MROH2A: variants seen among roughly 807,000 people sequenced by gnomAD.
The protein encoded by MROH2A is maestro heat-like repeat-containing protein family member 2A.
A neutral mutation model predicts 200.4 loss-of-function variants in MROH2A; 174 were observed. The observed-to-expected ratio is 0.87, with a 90% CI of 0.77 to 0.98. The LOEUF (loss-of-function observed/expected upper bound fraction) is 0.98, where lower values mean the gene tolerates loss of function less well. Ranked by LOEUF, MROH2A falls within the 50% of genes least tolerant of loss-of-function variation. MROH2A has a pLI of 0.00. For synonymous variants in MROH2A, 829 were observed against 840.4 expected (o/e 0.99, Z 0.23); for missense variants, 2,045 against 2,139.6 (o/e 0.96, Z 0.87).
chr2:233,811,005 A>G, intron 23 of MROH2A, 89 bp downstream of exon 23: 1 of 1,427,816 alleles, frequency 7.0e-7, no homozygotes, highest in Non-Finnish European at 9.5e-7. Context: ...TCCTGAGGGC[A>G]TCTGCAGAGC....
chr2:233,816,793 T>C lies in MROH2A; in HGVS notation c.2869T>C (p.Trp957Arg). 1 of 1,550,238 alleles carries C rather than the reference T, an allele frequency of 6.5e-7. No homozygotes were observed. ...GCTCTACCCATAGCTCCTGGAAAAG[T>C]GGATCTTGTCGGAGAAAGAATGGGA... ...LQEMVQLLEK[W>R]ILSEKEWERE... The change falls in exon 27 of 42, where the codon TGG becomes CGG. Residue 957 changes from tryptophan (W) to arginine (R), a missense_variant. By Grantham distance (101) the Trp-to-Arg change is moderately radical. Coordinates refer to ENST00000389758, the MANE Select transcript of MROH2A (RefSeq NM_001394639.1).
intron 3 of MROH2A, among the ~76,000 whole-genome samples, chr2:233,783,457 T>C (rs949975773): frequency 1.3e-5 from 2 of 152,198 alleles, no homozygotes; most frequent in African/African-American, 2.4e-5. Flanking sequence ...AGTCTGTATA[T>C]GTCCAAGAAT....
rs924508806 is a variant in MROH2A, at chr2:233,810,978, T to A, written c.2571+62T>A. The A allele has an allele frequency of 7.8e-5, 119 of 1,530,274 alleles. No homozygotes were observed. The African/African-American group carries it at 1.4e-3, about 18-fold the overall frequency. The allele number at this position is 1,530,274 out of a possible 1,614,324, so 94.8% of individuals were successfully genotyped here. The stretch of plus-strand genomic sequence containing the variant: ...GGTTTTGGGGTCTAACTCCCTGCGG[T>A]GAGAGGTTTTCAAAGTTCCTGAGGG... On this transcript the variant is annotated intron_variant, in intron 23 of 41. Coordinates refer to ENST00000389758, the MANE Select transcript of MROH2A (RefSeq NM_001394639.1).
At position 233,828,982 on chromosome 2, in the gene MROH2A, C is replaced by A. The variant is rs780901998; in HGVS notation, c.4356C>A (p.Ala1452=). The change falls in exon 37 of 42, where the codon GCC becomes GCA. Residue 1452 remains alanine (A), a synonymous_variant. Coordinates refer to ENST00000389758, the MANE Select transcript of MROH2A (RefSeq NM_001394639.1). This position sits in a 1 kb window ranked among gnomAD's most constrained non-coding sequence, Gnocchi z 4.6. ...GCGTGACTGCCGAGGGCATGGAGGC[C>A]CTGACCAAGATCCTGGCTGAGCTCC... ...SNSVTAEGME[A]LTKILAELRE... is the part of the protein sequence containing the mutation. 1.3e-6 allele frequency: 2 copies of A among 1,550,506 alleles called. No individual in the cohort carries two copies. Among genetic ancestry groups the A allele is most frequent in the South Asian group, 1.2e-5 (1 of 84,052 alleles).
chr2:233,833,230 T>C lies in MROH2A; in HGVS notation c.4996T>C (p.Phe1666Leu), dbSNP rs1053027198. 2.9e-5 allele frequency: 45 copies of C among 1,549,800 alleles called. No homozygotes were observed. The African/African-American group carries it at 6.0e-4, about 21-fold the overall frequency. The change falls in exon 42 of 42, where the codon TTT becomes CTT. Residue 1666 changes from phenylalanine to leucine, a missense_variant. Phe to Leu is a conservative substitution (Grantham distance 22). This residue lies in a region of MROH2A where 1,201 missense variants were observed against 1,311.3 expected (regional missense o/e 0.92). Coordinates refer to ENST00000389758, the MANE Select transcript of MROH2A (RefSeq NM_001394639.1). ...CTTGGATAGCTGTAGTCAGCATGGG[T>C]TTCTGGCTTCACCCCAAGGAATGTC... ...TVLDSCSQHG[F>L]LASPQGMS
At position 233,828,885 on chromosome 2, in the gene MROH2A, T is replaced by A; in HGVS notation, c.4264-5T>A. The A allele has an allele frequency of 6.5e-7, 1 of 1,550,306 alleles. No individual in the cohort carries two copies. Among genetic ancestry groups the A allele is most frequent in the Admixed American group, 2.0e-5 (1 of 50,992 alleles). ...GCAGGCTGAGGGCTGCCCATGCCCC[T>A]CCAGGTGAAGCAGTACCGGAAGGTC... is the stretch of plus-strand genomic sequence containing the variant. On this transcript the variant is annotated splice_region_variant and splice_polypyrimidine_tract_variant and intron_variant, in intron 36 of 41. Coordinates refer to ENST00000389758, the MANE Select transcript of MROH2A (RefSeq NM_001394639.1). The surrounding 1 kb of genome is among the most constrained non-coding windows in gnomAD (Gnocchi z 4.6).
chr2:233,794,792 G>A (rs1313390375), intron 8 of MROH2A, among the ~76,000 whole-genome samples: 1 of 152,160 alleles, frequency 6.6e-6, no homozygotes, highest in Admixed American at 6.5e-5. Flanking sequence ...CTGTAACAAA[G>A]AACCACACAT....
At position 233,809,235 on chromosome 2, in the gene MROH2A, C is replaced by T. The variant is rs1460650643; in HGVS notation, c.2405C>T (p.Pro802Leu). ...TTGCTCCTCAACCTCGTGGACAGCCCCATCACCGCTAAGATCATTCACCAT... is the reference window on the plus strand; with the variant it reads ...TTGCTCCTCAACCTCGTGGACAGCCTCATCACCGCTAAGATCATTCACCAT... ...PQLLLNLVDS[P>L]ITAKIIHHYV... Residue 802 changes from proline (P) to leucine (L), a missense_variant, in exon 22 of 42, where the codon CCC (proline) becomes CTC (leucine). Pro to Leu is a moderately conservative substitution (Grantham distance 98). Around this residue, in one of 3 missense-constraint regions of MROH2A, gnomAD observed 1,201 missense variants for 1,311.3 expected, o/e 0.92. Transcript: ENST00000389758. 6.4e-7 allele frequency: 1 copy of T among 1,550,552 alleles called. No individual in the cohort carries two copies. The highest frequency in any genetic ancestry group is 8.7e-7 in the Non-Finnish European group (1 of 1,146,980).
rs1411868139 is a variant in MROH2A at position 233,822,521 on chromosome 2, C to T, written c.3831C>T (p.His1277=). ...TCTTGAAGATGTGGAAGCTGGTCCA[C>T]ACCACTCCTCTGCCGGAGGAGATGA... is the stretch of plus-strand genomic sequence containing the variant. ...PPVLKMWKLV[H]TTPLPEEMNL... is the part of the protein sequence containing the mutation. Residue 1277 remains histidine, a synonymous_variant, in exon 33 of 42, where the codon CAC becomes CAT. Transcript: ENST00000389758. 3.2e-6 allele frequency: 5 copies of T among 1,550,476 alleles called. No individual in the cohort carries two copies. The highest frequency in any genetic ancestry group is 3.9e-5 in the Admixed American group (2 of 51,014).
In MROH2A at chr2:233,793,721, AG is replaced by A; in HGVS notation, c.721del (p.Glu241ArgfsTer6). ...GTGCAGTTTTATCTGAAGCACCTGGAGGAGAGCGTGTACCCCGTGATGACTG... is the reference window on the plus strand; with the variant it reads ...GTGCAGTTTTATCTGAAGCACCTGGAGAGAGCGTGTACCCCGTGATGACTG... ...ETVQFYLKHLEESVYPVMTEE... is the reference protein window; with the variant it reads ...ETVQFYLKHLXESVYPVMTEE... On this transcript the variant is annotated frameshift_variant, in exon 7 of 42. Coordinates refer to ENST00000389758, the MANE Select transcript of MROH2A (RefSeq NM_001394639.1). LOFTEE classifies it high-confidence loss of function. The A allele has an allele frequency of 6.7e-7, 1 of 1,485,262 alleles. No homozygotes were observed. The highest frequency in any genetic ancestry group is 9.0e-7 in the Non-Finnish European group (1 of 1,114,788). The allele number at this position is 1,485,262 out of a possible 1,614,324, so 92.0% of individuals were successfully genotyped here.
intron 22 of MROH2A, among the ~76,000 whole-genome samples, chr2:233,810,591 C>T (rs1353915887): frequency 4.6e-5 from 7 of 152,354 alleles, no homozygotes; most frequent in Middle Eastern, 3.4e-3. Flanking sequence ...CTCGTATCCC[C>T]GCCATGTGCC....
Position 233,828,908 on chromosome 2 carries a change from G to T in MROH2A, c.4282G>T (p.Val1428Phe), listed in dbSNP as rs1225510677. The T allele has an allele frequency of 6.4e-7, 1 of 1,550,456 alleles. No homozygotes were observed. The highest frequency in any genetic ancestry group is 8.7e-7 in the Non-Finnish European group (1 of 1,146,966). Reference sequence around the variant, plus strand: ...CCTCCAGGTGAAGCAGTACCGGAAGGTCTTGCTGGAGAAGTGCCTGGGCCC... The same window carrying T: ...CCTCCAGGTGAAGCAGTACCGGAAGTTCTTGCTGGAGAAGTGCCTGGGCCC... The part of the protein sequence containing the change: ...APKKVKQYRK[V>F]LLEKCLGPLR... Residue 1428 changes from valine (V) to phenylalanine (F), a missense_variant, in exon 37 of 42, where the codon GTC (valine) becomes TTC (phenylalanine). This residue lies in a region of MROH2A where 1,201 missense variants were observed against 1,311.3 expected (regional missense o/e 0.92). Coordinates refer to ENST00000389758, the MANE Select transcript of MROH2A (RefSeq NM_001394639.1). This position sits in a 1 kb window ranked among gnomAD's most constrained non-coding sequence, Gnocchi z 4.6.
rs142027248 is a variant in MROH2A, at chr2:233,813,900, G to A, written c.2760+122G>A. 2.0e-4 allele frequency: 113 copies of A among 553,888 alleles called. 1 individual carries two copies. In the East Asian group the frequency reaches 2.9e-3, roughly 14 times the overall value. 34.3% of individuals were successfully genotyped at this position (553,888 alleles called of 1,614,324 possible). ...GAGTGTTTAGAGGCAGCGGAGTGTA[G>A]CAAGCTCTATCAGTAAATGTAAGGT... is the stretch of plus-strand genomic sequence containing the variant. On this transcript the variant is annotated intron_variant, in intron 25 of 41. Coordinates refer to ENST00000389758, the MANE Select transcript of MROH2A (RefSeq NM_001394639.1).
chr2:233,779,605 G>A (rs2126076340), intron 2 of MROH2A, 66 bp from the exon 3 acceptor site: 2 of 1,510,092 alleles, frequency 1.3e-6, no homozygotes, highest in African/African-American at 1.4e-5. Context: ...GCAAGGCCAG[G>A]GACACAAGGG....
intron 18 of MROH2A, 50 bp from the exon 19 acceptor site, chr2:233,804,954 C>A: frequency 1.8e-6 from 2 of 1,131,116 alleles, no homozygotes; most frequent in Non-Finnish European, 1.3e-6. Context: ...CAGGCAAGAA[C>A]AAGGATGAAG....
At position 233,801,270 on chromosome 2, in the gene MROH2A, T is replaced by C. The variant is rs1005461182; in HGVS notation, c.1561-898T>C. Reference sequence around the variant, plus strand: ...TGGTGGCTACAACAGGTTAAGCCATTGCACTTGATGGTTGGTAGCACAAGA... The same window carrying C: ...TGGTGGCTACAACAGGTTAAGCCATCGCACTTGATGGTTGGTAGCACAAGA... On this transcript the variant is annotated intron_variant, in intron 14 of 41. Transcript: ENST00000389758. Among the ~76,000 whole-genome samples, 4 of 150,424 alleles carry C rather than the reference T, an allele frequency of 2.7e-5. No homozygotes were observed. The East Asian group carries it at 7.9e-4, about 30-fold the overall frequency.
chr2:233,779,618 C>T (rs1205390950), intron 2 of MROH2A, 53 bp from the exon 3 acceptor site: 9 of 1,533,936 alleles, frequency 5.9e-6, no homozygotes, highest in Admixed American at 4.0e-5. Context: ...CACAAGGGCA[C>T]CTCCTGTCAT....
Position 233,828,733 on chromosome 2 carries a change from T to G in MROH2A, c.4217T>G (p.Leu1406Arg), listed in dbSNP as rs1277687298. The change falls in exon 36 of 42, where the codon CTG becomes CGG. Residue 1406 changes from leucine (L) to arginine (R), a missense_variant. Leu to Arg is a moderately radical substitution (Grantham distance 102, BLOSUM62 -2). Transcript: ENST00000389758. This position sits in a 1 kb window ranked among gnomAD's most constrained non-coding sequence, Gnocchi z 4.6. ...DQEEDEALRV[L>R]SLRALGNMAL... is the part of the protein sequence containing the mutation. ...GAGGAAGACGAGGCCCTGCGGGTGC[T>G]GTCCCTGCGCGCCCTCGGCAACATG... 5.8e-6 allele frequency: 9 copies of G among 1,550,430 alleles called. No homozygotes were observed. The highest frequency in any genetic ancestry group is 7.8e-6 in the Non-Finnish European group (9 of 1,146,930).
Position 233,823,654 on chromosome 2 carries a change from C to T in MROH2A, c.4103C>T (p.Thr1368Ile), listed in dbSNP as rs1475402948. The part of the protein sequence containing the change: ...SEVLSCRISS[T>I]AVCFMSGPVL... ...GTCCTGAGCTGCCGCATCAGCAGCA[C>T]AGCGGTCTGCGTGGAAATGAGGCAC... Residue 1368 changes from threonine (T) to isoleucine (I), a missense_variant, in exon 35 of 42, where the codon ACA becomes ATA. Thr to Ile is a moderately conservative substitution (Grantham distance 89). Around this residue, in one of 3 missense-constraint regions of MROH2A, gnomAD observed 1,201 missense variants for 1,311.3 expected, o/e 0.92. Transcript: ENST00000389758. 4 of 1,550,294 alleles carry T rather than the reference C, an allele frequency of 2.6e-6. No individual in the cohort carries two copies. Among genetic ancestry groups the T allele is most frequent in the Admixed American group, 2.0e-5 (1 of 50,984 alleles).
Sources: allele counts gnomAD v4.1 joint callset (sites outside exome capture counted in the v4.1 genomes callset), GRCh38; gene constraint gnomAD v4.1.1; regional missense constraint gnomAD v4.1.1; non-coding constraint Gnocchi (gnomAD v3.1); transcripts MANE v1.5; gene names NCBI Gene and HGNC (gene_info 2026-07-23, HGNC 2026-07-21).